SYNGR4: variants seen among roughly 807,000 people sequenced by gnomAD.
SYNGR4 encodes the protein synaptogyrin 4, also known as synaptogyrin-4.
A neutral mutation model predicts 15.5 loss-of-function variants in SYNGR4; 15 were observed. The observed-to-expected ratio is 0.97, with a 90% CI of 0.65 to 1.49. The LOEUF is 1.49. Ranked by LOEUF, SYNGR4 falls within the 40% of genes most tolerant of loss-of-function variation. SYNGR4 has a pLI of 0.00. For missense variants in SYNGR4, 292 were observed against 299.3 expected (o/e 0.98, Z 0.18); for synonymous variants, 121 against 127.4 (o/e 0.95, Z 0.34).
intron 2 of SYNGR4, among the ~76,000 whole-genome samples, chr19:48,369,473 C>T (rs926137197): frequency 2.0e-5 from 3 of 152,122 alleles, no homozygotes; most frequent in Non-Finnish European, 2.9e-5. Context: ...CTTGAGAGGA[C>T]GCCTTCCCTC....
chr19:48,370,831 C>G (rs965954813), intron 2 of SYNGR4, among the ~76,000 whole-genome samples: 2 of 152,174 alleles, frequency 1.3e-5, no homozygotes, highest in Non-Finnish European at 2.9e-5. Context: ...CTATTTTACA[C>G]GCTAAATATT....
In SYNGR4 at chr19:48,373,668, C is replaced by T; in HGVS notation, c.245C>T (p.Ala82Val). The T allele has an allele frequency of 1.2e-6, 2 of 1,613,906 alleles. No homozygotes were observed. The highest frequency in any genetic ancestry group is 1.1e-5 in the South Asian group (1 of 91,084). The change falls in exon 3 of 5, where the codon GCC becomes GTC. Residue 82 changes from alanine (A) to valine (V), a missense_variant. By Grantham distance (64) the Ala-to-Val change is moderately conservative. Transcript: ENST00000344846. The stretch of plus-strand genomic sequence containing the variant: ...TTCCTGGCCTTCCTCAGCTGCCTGG[C>T]CTTCCTCGTCCTGGACACACAGGAG... Reference protein sequence around the residue: ...AGFLAFLSCLAFLVLDTQETR... With the variant: ...AGFLAFLSCLVFLVLDTQETR...
intron 2 of SYNGR4, among the ~76,000 whole-genome samples, chr19:48,372,473 G>A (rs530687746): frequency 7.3e-4 from 110 of 151,306 alleles, no homozygotes; most frequent in African/African-American, 2.6e-3. Flanking sequence ...GTGAAACCCC[G>A]TCTCTACTAA....
At chr19:48,374,474 C>T (rs1970369362) in intron 3 of SYNGR4, among the ~76,000 whole-genome samples, 1 of 152,184 alleles carries the variant, frequency 6.6e-6, no homozygotes. Context: ...TGACCTCCTT[C>T]CTCTCAGTCT....
Position 48,365,932 on chromosome 19 carries a change from A to G in SYNGR4, c.90A>G (p.Glu30=). Reference sequence around the variant, plus strand: ...CCAAGACCATCACGCGGGTCTTCGAAGGGGTGAGGCCCTCCCATGGCCCGA... The same window carrying G: ...CCAAGACCATCACGCGGGTCTTCGAGGGGGTGAGGCCCTCCCATGGCCCGA... ...RRPKTITRVF[E]GVFSLIVFSS... Residue 30 remains glutamate, a synonymous_variant, in exon 2 of 5, where the codon GAA becomes GAG. Coordinates refer to ENST00000344846, the MANE Select transcript of SYNGR4 (RefSeq NM_012451.4). 6.2e-7 allele frequency: 1 copy of G among 1,613,402 alleles called. No homozygotes were observed. The highest frequency in any genetic ancestry group is 8.5e-7 in the Non-Finnish European group (1 of 1,179,900).
chr19:48,370,621 G>A (rs186212087), intron 2 of SYNGR4, among the ~76,000 whole-genome samples: 3 of 152,204 alleles, frequency 2.0e-5, no homozygotes, highest in East Asian at 3.9e-4. Context: ...GTGCAGTGGT[G>A]CGATCACAGC....
chr19:48,373,057 A>G (rs559017382), intron 2 of SYNGR4: 74 of 169,506 alleles, frequency 4.4e-4, no homozygotes, highest in African/African-American at 1.5e-3. Context: ...TTGGTGGCAG[A>G]AGGAGAGTGT....
chr19:48,373,630 C>T lies in SYNGR4; in HGVS notation c.207C>T (p.Ala69=), dbSNP rs377423574. The change falls in exon 3 of 5, where the codon GCC becomes GCT. Residue 69 remains alanine, a synonymous_variant. Transcript: ENST00000344846. The part of the protein sequence containing the change: ...LNSNSVACSF[A]VGAGFLAFLS... ...GCAACAGCGTGGCCTGCAGCTTTGC[C>T]GTGGGAGCCGGCTTCCTGGCCTTCC... 49 of 1,613,694 alleles carry T rather than the reference C, an allele frequency of 3.0e-5. No homozygotes were observed. The highest frequency in any genetic ancestry group is 1.6e-4 in the Middle Eastern group (1 of 6,084).
At chr19:48,375,359 C>T (rs1420882222) in intron 3 of SYNGR4, among the ~76,000 whole-genome samples, 12 of 152,090 alleles carry the variant, frequency 7.9e-5, no homozygotes, top group Non-Finnish European at 1.5e-5. Context: ...AAATTTAAAC[C>T]GCTGCATGAG....
In SYNGR4 at chr19:48,373,613, G is replaced by A. The variant is rs199735549; in HGVS notation, c.190G>A (p.Val64Met). ...QLHCILNSNS[V>M]ACSFAVGAGF... ...CCACTGCATTCTCAACAGCAACAGC[G>A]TGGCCTGCAGCTTTGCCGTGGGAGC... Residue 64 changes from valine (V) to methionine (M), a missense_variant, in exon 3 of 5, where the codon GTG becomes ATG. Val to Met is a conservative substitution (Grantham distance 21, BLOSUM62 1). Transcript: ENST00000344846. 1.7e-5 allele frequency: 28 copies of A among 1,613,696 alleles called. No individual in the cohort carries two copies. Among genetic ancestry groups the A allele is most frequent in the East Asian group, 4.5e-5 (2 of 44,898 alleles).
intron 1 of SYNGR4, among the ~76,000 whole-genome samples, chr19:48,364,801 C>T (rs934817007): frequency 6.6e-6 from 1 of 151,944 alleles, no homozygotes; most frequent in African/African-American, 2.4e-5. Context: ...TCTCAATGGC[C>T]GCACCCCCTA....
intron 2 of SYNGR4, among the ~76,000 whole-genome samples, chr19:48,368,075 G>A (rs905018878): frequency 5.3e-5 from 8 of 152,202 alleles, no homozygotes; most frequent in African/African-American, 9.6e-5. Flanking sequence ...GCTCAGGCAC[G>A]TGCTGTCCAT....
intron 4 of SYNGR4, 75 bp from the exon 5 acceptor site, chr19:48,376,010 C>G (rs751783062): frequency 1.9e-6 from 3 of 1,607,176 alleles, no homozygotes; most frequent in Non-Finnish European, 2.5e-6. Flanking sequence ...CCTTCCCAGG[C>G]CAGTCCCCAG....
At chr19:48,370,201 A>G (rs1031745624) in intron 2 of SYNGR4, among the ~76,000 whole-genome samples, 13 of 152,290 alleles carry the variant, frequency 8.5e-5, no homozygotes, top group African/African-American at 3.1e-4. Context: ...GATAGAGAGC[A>G]GGGGCCCGGC....
At chr19:48,364,823 G>A (rs553468913) in intron 1 of SYNGR4, among the ~76,000 whole-genome samples, 1 of 151,866 alleles carries the variant, frequency 6.6e-6, no homozygotes, top group Admixed American at 6.6e-5. Flanking sequence ...TCCCCAGAAA[G>A]TCCCACCTGT....
intron 2 of SYNGR4, 122 bp downstream of exon 2, chr19:48,366,057 G>C (rs909928977): frequency 6.9e-6 from 7 of 1,014,036 alleles, no homozygotes; most frequent in African/African-American, 4.8e-5. Context: ...ACAAGACAAC[G>C]GAGCAAATGC....
intron 1 of SYNGR4, among the ~76,000 whole-genome samples, chr19:48,364,907 T>G (rs1970165847): frequency 6.6e-6 from 1 of 151,664 alleles, no homozygotes; most frequent in Non-Finnish European, 1.5e-5. Flanking sequence ...TCCCCAAATA[T>G]CCCAGCCCTC....
At chr19:48,369,853 C>T (rs1292013633) in intron 2 of SYNGR4, among the ~76,000 whole-genome samples, 2 of 152,192 alleles carry the variant, frequency 1.3e-5, no homozygotes, top group Non-Finnish European at 2.9e-5. Context: ...ACCCCCTCTA[C>T]AGTCAGTTCT....
intron 2 of SYNGR4, 55 bp from the exon 3 acceptor site, chr19:48,373,462 G>A (rs967641787): frequency 1.5e-5 from 22 of 1,479,232 alleles, no homozygotes; most frequent in Middle Eastern, 3.4e-4. Context: ...AGGGAGGAAG[G>A]AGGAGCAGCT....
Sources: gnomAD v4.1 joint callset for allele counts (sites outside exome capture counted in the v4.1 genomes callset) on GRCh38, gnomAD v4.1.1 for gene constraint, MANE v1.5 for transcripts, NCBI Gene and HGNC (gene_info 2026-07-23, HGNC 2026-07-21) for gene names.